The following SIN3A variants were observed in gnomAD, a reference collection of about 807,000 sequenced individuals.
The protein encoded by SIN3A is paired amphipathic helix protein Sin3a.
In SIN3A, 14 loss-of-function variants were observed where a neutral mutation model predicts 146.1. That is an observed-to-expected ratio of 0.10 (90% CI 0.06 to 0.15). SIN3A has a LOEUF of 0.15. Among genes scored for constraint, SIN3A ranks in the 10% least tolerant of loss-of-function variants. The pLI, the probability that SIN3A is intolerant of heterozygous loss-of-function variation, is 1.00. For synonymous variants in SIN3A, 572 were observed against 572.0 expected, an observed-to-expected ratio of 1.00 and a Z score of 0.00; for missense variants, 1,028 against 1,576.0, an observed-to-expected ratio of 0.65 and a Z score of 5.89.
At position 75,372,040 on chromosome 15, in the gene SIN3A, A is replaced by G; in HGVS notation, c.3761T>C (p.Leu1254Pro). ...PCTTTCDTET[L>P]HFVSINKYRV... Reference sequence around the variant, plus strand: ...ATACTTGTTAATGCTCACAAAATGCAGGGTCTCTGTATCACAGGTGGTGGT... The same window carrying G: ...ATACTTGTTAATGCTCACAAAATGCGGGGTCTCTGTATCACAGGTGGTGGT... The change falls in exon 21 of 21, where the codon CTG becomes CCG. Residue 1254 changes from leucine (L) to proline (P), a missense_variant. Leu to Pro is a moderately conservative substitution (Grantham distance 98). This residue lies in a region of SIN3A where 488 missense variants were observed against 690.2 expected (regional missense o/e 0.71). Coordinates refer to ENST00000394947, the MANE Select transcript of SIN3A (RefSeq NM_001145358.2). 6.2e-7 allele frequency: 1 copy of G among 1,614,204 alleles called. No homozygotes were observed. Among genetic ancestry groups the G allele is most frequent in the Non-Finnish European group, 8.5e-7 (1 of 1,180,040 alleles).
rs932042009 is a variant in SIN3A at position 75,415,953 on chromosome 15, T to G, written c.367-1642A>C. 4.5e-5 allele frequency: 15 copies of G among 330,806 alleles called. 1 individual carries two copies. The highest frequency in any genetic ancestry group is 2.8e-4 in the South Asian group (9 of 32,254). The allele number at this position is 330,806 out of a possible 1,614,324, so 20.5% of individuals were successfully genotyped here. ...GACACTGGCAGGGAGGGGAATAACC[T>G]TGCAGGAAATGGAGATGCCAAAACA... is the stretch of plus-strand genomic sequence containing the variant. On this transcript the variant is annotated intron_variant, in intron 3 of 20. Coordinates refer to ENST00000394947, the MANE Select transcript of SIN3A (RefSeq NM_001145358.2).
intron 12 of SIN3A, among the ~76,000 whole-genome samples, chr15:75,397,995 C>A (rs2073336237): frequency 6.6e-6 from 1 of 152,178 alleles, no homozygotes; most frequent in South Asian, 2.1e-4. Flanking sequence ...AGATGGCCAA[C>A]CACCTGCCAG....
At chr15:75,452,769 G>A (rs1032922375), upstream of SIN3A, among the ~76,000 whole-genome samples, 6 of 152,212 alleles carry the variant, frequency 3.9e-5, no homozygotes, top group African/African-American at 4.8e-5. Flanking sequence ...AGAAAGGAGA[G>A]GAAAACACCA....
intron 9 of SIN3A, among the ~76,000 whole-genome samples, chr15:75,403,565 A>G (rs1487757606): frequency 6.8e-6 from 1 of 147,408 alleles, no homozygotes; most frequent in Non-Finnish European, 1.5e-5. Flanking sequence ...TTTGAGACCG[A>G]GTTTCACTAT....
intron 12 of SIN3A, among the ~76,000 whole-genome samples, chr15:75,397,951 A>C (rs77532275): frequency 0.2 from 31,070 of 152,162 alleles, 3,589 homozygotes; most frequent in Non-Finnish European, 0.26. Flanking sequence ...AGCTTTCTGC[A>C]AATAGGTGCA....
chr15:75,439,218 G>A (rs2074157921), intron 1 of SIN3A, among the ~76,000 whole-genome samples: 1 of 152,150 alleles, frequency 6.6e-6, no homozygotes, highest in Non-Finnish European at 1.5e-5. Context: ...TAGAGTAAAA[G>A]GATGTTGTCA....
At chr15:75,402,657 C>T (rs75172964) in intron 9 of SIN3A, among the ~76,000 whole-genome samples, 27,848 of 151,984 alleles carry the variant, frequency 0.18, 3,185 homozygotes, top group Non-Finnish European at 0.26. Context: ...GTTTTTTAAA[C>T]GCAGTCCAGC....
At chr15:75,429,050 T>C (rs2073971748) in intron 2 of SIN3A, among the ~76,000 whole-genome samples, 2 of 152,246 alleles carry the variant, frequency 1.3e-5, no homozygotes, top group East Asian at 1.9e-4. Flanking sequence ...ACAAAATACA[T>C]GCTAATCAAC....
chr15:75,373,087 C>T lies in SIN3A; in HGVS notation c.3592-878G>A, dbSNP rs534317449. 8.2e-4 allele frequency among the ~76,000 whole-genome samples: 125 copies of T among 152,266 alleles called. 1 individual carries two copies. Among genetic ancestry groups the T allele is most frequent in the South Asian group, 3.3e-3 (16 of 4,824 alleles). ...CAGATGTTCTGCAGGGGGTTCTGTT[C>T]CCACCAACACATTCAATAAAAATTT... On this transcript the variant is annotated intron_variant, in intron 20 of 20. Transcript: ENST00000394947.
chr15:75,374,599 G>A (rs1173259179), intron 20 of SIN3A, among the ~76,000 whole-genome samples: 1 of 152,144 alleles, frequency 6.6e-6, no homozygotes, highest in Non-Finnish European at 1.5e-5. Context: ...TACAAACCAT[G>A]GCCTATCATT....
At chr15:75,375,131 T>C (rs2072829830) in intron 20 of SIN3A, among the ~76,000 whole-genome samples, 1 of 152,182 alleles carries the variant, frequency 6.6e-6, no homozygotes, top group African/African-American at 2.4e-5. Context: ...CTCCTTAAAA[T>C]TCTTATGTTG....
chr15:75,433,607 G>A (rs377128319), intron 1 of SIN3A, among the ~76,000 whole-genome samples: 5 of 151,748 alleles, frequency 3.3e-5, no homozygotes, highest in East Asian at 1.9e-4. Context: ...TCAGGAGATC[G>A]AGACCATCCT....
At chr15:75,401,204 G>A (rs1236795875) in intron 10 of SIN3A, among the ~76,000 whole-genome samples, 1 of 152,164 alleles carries the variant, frequency 6.6e-6, no homozygotes, top group Admixed American at 6.6e-5. Context: ...TTGCTTTAAT[G>A]TTCACATAAT....
intron 1 of SIN3A, among the ~76,000 whole-genome samples, chr15:75,431,956 C>CT (rs1201088450): frequency 1.3e-5 from 2 of 152,202 alleles, no homozygotes; most frequent in Non-Finnish European, 2.9e-5. Context: ...CAAATATGCT[C>CT]TCTGTGGCCT....
intron 13 of SIN3A, among the ~76,000 whole-genome samples, chr15:75,395,732 C>G (rs894689690): frequency 2.0e-5 from 3 of 151,788 alleles, no homozygotes; most frequent in African/African-American, 7.3e-5. Context: ...GACCTCATCT[C>G]TATTAAAAAA....
In SIN3A at chr15:75,411,633, C is replaced by A; in HGVS notation, c.867G>T (p.Ser289=). The stretch of plus-strand genomic sequence containing the variant: ...TCTGCAAGGATGGGGCCGTTCCCAA[C>A]GAGATTGTCACTGGTGTGTGAGGCT... The part of the protein sequence containing the change: ...PVQPHTPVTI[S]LGTAPSLQNN... Residue 289 remains serine (S), a synonymous_variant, in exon 6 of 21, where the codon TCG becomes TCT. Coordinates refer to ENST00000394947, the MANE Select transcript of SIN3A (RefSeq NM_001145358.2). The A allele has an allele frequency of 6.2e-7, 1 of 1,614,144 alleles. No individual in the cohort carries two copies. Among genetic ancestry groups the A allele is most frequent in the Non-Finnish European group, 8.5e-7 (1 of 1,180,026 alleles).
chr15:75,374,873 G>C (rs1050318403), intron 20 of SIN3A, among the ~76,000 whole-genome samples: 2 of 152,216 alleles, frequency 1.3e-5, no homozygotes, highest in South Asian at 2.1e-4. Flanking sequence ...CACCTGATTT[G>C]TTTCCCTGGT....
intron 1 of SIN3A, among the ~76,000 whole-genome samples, chr15:75,445,380 CAAAAAAAAA>C (rs10539996): frequency 3.1e-5 from 2 of 63,606 alleles, no homozygotes; most frequent in East Asian, 3.9e-4. Context: ...GACACTGTCT[CAAAAAAAAA>C]AAAAAAAAAA....
rs752923145 is a variant in SIN3A at position 75,389,772 on chromosome 15, C to T, written c.2901G>A (p.Arg967=). The change falls in exon 16 of 21, where the codon CGG becomes CGA. Residue 967 remains arginine (R), a synonymous_variant. Transcript: ENST00000394947. ...AGTCTATGTTGCCATCCAGCAGGCT[C>T]CGCACCATGTCCAGGAAAGCTGGGT... ...DYYPAFLDMV[R]SLLDGNIDSS... is the part of the protein sequence containing the mutation. 1.1e-5 allele frequency: 18 copies of T among 1,614,132 alleles called. No individual in the cohort carries two copies. Among genetic ancestry groups the T allele is most frequent in the Non-Finnish European group, 1.5e-5 (18 of 1,180,016 alleles).
Sources: allele counts gnomAD v4.1 joint callset (sites outside exome capture counted in the v4.1 genomes callset), GRCh38; gene constraint gnomAD v4.1.1; regional missense constraint gnomAD v4.1.1; transcripts MANE v1.5; gene names NCBI Gene and HGNC (gene_info 2026-07-23, HGNC 2026-07-21).